TTC21B: variants seen among roughly 807,000 people sequenced by gnomAD.
TTC21B encodes tetratricopeptide repeat domain 21B.
Under a neutral mutation model 175.1 loss-of-function variants are expected in TTC21B, and 127 were observed. The ratio of observed to expected loss-of-function variants is 0.73; its 90% CI spans 0.63 to 0.84. The LOEUF is 0.84. Among genes scored for constraint, TTC21B ranks in the 40% least tolerant of loss-of-function variants. TTC21B has a pLI of 0.00. For missense variants in TTC21B, 1,561 were observed against 1,558.3 expected (o/e 1.00, Z -0.03); for synonymous variants, 524 against 524.5 (o/e 1.00, Z 0.01).
chr2:165,922,413 T>G (rs923298780), intron 12 of TTC21B, among the ~76,000 whole-genome samples: 1 of 151,656 alleles, frequency 6.6e-6, no homozygotes, highest in Non-Finnish European at 1.5e-5. Flanking sequence ...AGTGGGCAAA[T>G]GACATGACTA....
chr2:165,884,035 T>A lies in TTC21B; in HGVS notation c.3460-17A>T. 1.2e-6 allele frequency: 2 copies of A among 1,605,686 alleles called. No individual in the cohort carries two copies. The highest frequency in any genetic ancestry group is 1.1e-5 in the South Asian group (1 of 90,832). ...ATGCTCCTTCTATAAGAAAACAAAATTTTAGACCATAAGATGCATAAACAT... is the reference window on the plus strand; with the variant it reads ...ATGCTCCTTCTATAAGAAAACAAAAATTTAGACCATAAGATGCATAAACAT... On this transcript the variant is annotated splice_polypyrimidine_tract_variant and intron_variant, in intron 25 of 28. Transcript: ENST00000243344.
intron 19 of TTC21B, among the ~76,000 whole-genome samples, chr2:165,903,597 A>G (rs1342274789): frequency 6.6e-6 from 1 of 152,212 alleles, no homozygotes; most frequent in African/African-American, 2.4e-5. Context: ...TAAGCAAGAA[A>G]TAACGATGGA....
intron 6 of TTC21B, among the ~76,000 whole-genome samples, chr2:165,937,821 A>ACG (rs1310822351): frequency 1.5e-5 from 2 of 134,420 alleles, no homozygotes; most frequent in Non-Finnish European, 3.3e-5. Flanking sequence ...ACACACACAC[A>ACG]CAGTGCCTAG....
rs918580042 is a variant in TTC21B, at chr2:165,917,324, A to G, written c.1832T>C (p.Val611Ala). 2 of 1,614,176 alleles carry G rather than the reference A, an allele frequency of 1.2e-6. No individual in the cohort carries two copies. The change falls in exon 14 of 29, where the codon GTT (valine) becomes GCT (alanine). Residue 611 changes from valine to alanine, a missense_variant. Val to Ala is a moderately conservative substitution (Grantham distance 64). Transcript: ENST00000243344. ...STKSKDRKTE[V>A]DTSHRLSIFL... is the part of the protein sequence containing the mutation. ...GATCGATAAACGATGGCTTGTATCA[A>G]CTTCAGTTTTTCTGTCTTTTGATTT... is the stretch of plus-strand genomic sequence containing the variant.
At chr2:165,938,219 C>A (rs1258023444) in intron 6 of TTC21B, among the ~76,000 whole-genome samples, 3 of 151,344 alleles carry the variant, frequency 2.0e-5, no homozygotes, top group Non-Finnish European at 2.9e-5. Flanking sequence ...TTTTTTAAAC[C>A]TGGAAATAAC....
Position 165,945,603 on chromosome 2 carries a change from A to T in TTC21B, c.350T>A (p.Phe117Tyr). ...GEKALYHAGL[F>Y]LWHIGRHDKA... ...ATCATGGCGACCAATGTGCCATAAA[A>T]ATAAGCCTGCATGGTATAAGGCTTT... is the stretch of plus-strand genomic sequence containing the variant. The change falls in exon 4 of 29, where the codon TTT becomes TAT. Residue 117 changes from phenylalanine (F) to tyrosine (Y), a missense_variant. Coordinates refer to ENST00000243344, the MANE Select transcript of TTC21B (RefSeq NM_024753.5). 1 of 1,613,870 alleles carries T rather than the reference A, an allele frequency of 6.2e-7. No individual in the cohort carries two copies. Among genetic ancestry groups the T allele is most frequent in the South Asian group, 1.1e-5 (1 of 91,078 alleles).
At position 165,932,960 on chromosome 2, in the gene TTC21B, C is replaced by T; in HGVS notation, c.795+13G>A. Reference sequence around the variant, plus strand: ...TTTAATATAGGAAACTTAAATAATACAATGCCACTTACCTTCTCTATATCC... The same window carrying T: ...TTTAATATAGGAAACTTAAATAATATAATGCCACTTACCTTCTCTATATCC... On this transcript the variant is annotated intron_variant, in intron 7 of 28. Transcript: ENST00000243344. 6.2e-7 allele frequency: 1 copy of T among 1,606,954 alleles called. No individual in the cohort carries two copies. Among genetic ancestry groups the T allele is most frequent in the South Asian group, 1.1e-5 (1 of 90,764 alleles).
intron 20 of TTC21B, among the ~76,000 whole-genome samples, chr2:165,900,143 T>A (rs1433920749): frequency 6.6e-6 from 1 of 151,192 alleles, no homozygotes; most frequent in Non-Finnish European, 1.5e-5. Flanking sequence ...AGAACACTGG[T>A]CTTAAAACCA....
chr2:165,941,142 C>T lies in TTC21B; in HGVS notation c.595G>A (p.Glu199Lys), dbSNP rs1687353539. Residue 199 changes from glutamate to lysine, a missense_variant, in exon 6 of 29, where the codon GAG (glutamate) becomes AAG (lysine). Transcript: ENST00000243344. ...EMRQNYSGAL[E>K]TVNQIIVNFP... ...TTCACGATTATCTGGTTCACAGTCT[C>T]CAGGGCACCTGAATAATTCTGGCGC... is the stretch of plus-strand genomic sequence containing the variant. 6.2e-7 allele frequency: 1 copy of T among 1,613,888 alleles called. No homozygotes were observed. The highest frequency in any genetic ancestry group is 1.1e-5 in the South Asian group (1 of 91,080).
At chr2:165,925,204 C>T (rs1686583085) in intron 11 of TTC21B, among the ~76,000 whole-genome samples, 1 of 152,130 alleles carries the variant, frequency 6.6e-6, no homozygotes. Context: ...CTAAATGTCT[C>T]ATACCTTTAC....
chr2:165,918,174 T>C (rs1686248395), intron 13 of TTC21B, among the ~76,000 whole-genome samples: 1 of 152,250 alleles, frequency 6.6e-6, no homozygotes, highest in Non-Finnish European at 1.5e-5. Context: ...GAGCTTCGTG[T>C]GAGACTCACG....
intron 11 of TTC21B, 67 bp from the exon 12 acceptor site, chr2:165,924,745 T>C (rs1224180622): frequency 9.2e-6 from 14 of 1,514,448 alleles, no homozygotes; most frequent in African/African-American, 1.4e-5. Context: ...AATAAACATA[T>C]ATTAATTTTA....
chr2:165,886,398 G>T (rs114843356), intron 25 of TTC21B, among the ~76,000 whole-genome samples: 243 of 151,968 alleles, frequency 1.6e-3, no homozygotes, highest in Non-Finnish European at 2.7e-3. Context: ...TTGAAAAACG[G>T]GACCATACAT....
At chr2:165,926,945 T>C (rs1433488220) in intron 11 of TTC21B, among the ~76,000 whole-genome samples, 1 of 140,430 alleles carries the variant, frequency 7.1e-6, no homozygotes, top group East Asian at 2.1e-4. Flanking sequence ...GTTAATATTC[T>C]TTAATAAACT....
Position 165,874,777 on chromosome 2 carries a change from G to A in TTC21B, c.3929C>T (p.Ala1310Val), listed in dbSNP as rs1432334782. ...TTTTCAAGGTCTTAAAGACGCACGG[G>A]CCTTATCAAGTATATCCTTTCTGAT... is the stretch of plus-strand genomic sequence containing the variant. ...PKIRKDILDK[A>V]RASLRP is the part of the protein sequence containing the mutation. The change falls in exon 29 of 29, where the codon GCC (alanine) becomes GTC (valine). Residue 1310 changes from alanine (A) to valine (V), a missense_variant. Ala to Val is a moderately conservative substitution (Grantham distance 64, BLOSUM62 0). Coordinates refer to ENST00000243344, the MANE Select transcript of TTC21B (RefSeq NM_024753.5). 1 of 1,613,678 alleles carries A rather than the reference G, an allele frequency of 6.2e-7. No homozygotes were observed. Among genetic ancestry groups the A allele is most frequent in the Admixed American group, 1.7e-5 (1 of 60,020 alleles).
intron 3 of TTC21B, among the ~76,000 whole-genome samples, chr2:165,946,392 C>G (rs1687565788): frequency 1.3e-5 from 2 of 151,928 alleles, no homozygotes; most frequent in Non-Finnish European, 2.9e-5. Flanking sequence ...TTGTAGTTTT[C>G]ATAAAACTTA....
chr2:165,914,654 A>AGTGTGTGTGTGTGTGTGTGTGTGT lies in TTC21B; in HGVS notation c.2138+546_2138+547insACACACACACACACACACACACAC, dbSNP rs1553511255. 9.9e-4 allele frequency among the ~76,000 whole-genome samples: 17 copies of AGTGTGTGTGTGTGTGTGTGTGTGT among 17,102 alleles called. No individual in the cohort carries two copies. The South Asian group carries it at 0.025, about 26-fold the overall frequency. 11.2% of individuals were successfully genotyped at this position (17,102 alleles called of 152,430 possible). A position where few individuals can be genotyped will look rare whatever the true frequency, so the allele number is the denominator to read the frequency against. ...TCTGTTTGGGGAGAAGAGGAAGAGC[A>AGTGTGTGTGTGTGTGTGTGTGTGT]ATCTGTGTGTGTGTGTGTGTGTGTG... On this transcript the variant is annotated intron_variant, in intron 15 of 28. Transcript: ENST00000243344.
chr2:165,896,538 C>T (rs1685371039), intron 22 of TTC21B, among the ~76,000 whole-genome samples: 1 of 121,518 alleles, frequency 8.2e-6, no homozygotes, highest in Admixed American at 7.6e-5. Flanking sequence ...CTCAACTGAA[C>T]AGAAAACAGG....
At chr2:165,895,096 TC>T (rs142206113) in intron 22 of TTC21B, among the ~76,000 whole-genome samples, 2,808 of 152,078 alleles carry the variant, frequency 0.018, 99 homozygotes, top group African/African-American at 0.064. Context: ...TTTTTTATTT[TC>T]CCCCAAGAGG....
Sources: gnomAD v4.1 joint callset for allele counts (sites outside exome capture counted in the v4.1 genomes callset) on GRCh38, gnomAD v4.1.1 for gene constraint, MANE v1.5 for transcripts, NCBI Gene and HGNC (gene_info 2026-07-23, HGNC 2026-07-21) for gene names.